The following ITGA11 variants were observed in gnomAD, a reference collection of about 807,000 sequenced individuals.
ITGA11 encodes the protein integrin subunit alpha 11.
In ITGA11, 97 loss-of-function variants were observed where a neutral mutation model predicts 141.9. The ratio of observed to expected loss-of-function variants is 0.68; its 90% CI spans 0.58 to 0.81. ITGA11 has a LOEUF of 0.81. Ranked by LOEUF, ITGA11 falls within the 30% of genes least tolerant of loss-of-function variation. The pLI, the probability that ITGA11 is intolerant of heterozygous loss-of-function variation, is 0.00. For missense variants in ITGA11, 1,387 were observed against 1,559.2 expected (o/e 0.89, Z 1.86); for synonymous variants, 658 against 624.6 (o/e 1.05, Z -0.80).
At chr15:68,341,102 C>T (rs1017630923) in intron 10 of ITGA11, among the ~76,000 whole-genome samples, 10 of 152,204 alleles carry the variant, frequency 6.6e-5, no homozygotes, top group African/African-American at 2.4e-4. Context: ...AAATCCTAAC[C>T]CTCCAGAGGT....
rs1310318533 is a variant in ITGA11, at chr15:68,350,693, G to A, written c.984C>T (p.His328=). The change falls in exon 9 of 30, where the codon CAC becomes CAT. Residue 328 remains histidine (H), a synonymous_variant. Coordinates refer to ENST00000315757, the MANE Select transcript of ITGA11 (RefSeq NM_001004439.2). ...KYIASDPDDK[H]FFNVTDEAAL... is the part of the protein sequence containing the mutation. ...CAGCCTCATCAGTGACATTGAAGAA[G>A]TGCTTGTCATCAGGGTCACTGGCGA... 1 of 1,613,916 alleles carries A rather than the reference G, an allele frequency of 6.2e-7. No homozygotes were observed. The highest frequency in any genetic ancestry group is 8.5e-7 in the Non-Finnish European group (1 of 1,179,834).
At chr15:68,384,946 C>T (rs1048496575) in intron 2 of ITGA11, among the ~76,000 whole-genome samples, 4 of 152,208 alleles carry the variant, frequency 2.6e-5, no homozygotes, top group Non-Finnish European at 4.4e-5. Context: ...TCTGCTCAAA[C>T]AACAAGCCCC....
chr15:68,359,500 G>A (rs950744314), intron 5 of ITGA11, among the ~76,000 whole-genome samples: 1 of 152,054 alleles, frequency 6.6e-6, no homozygotes, highest in Non-Finnish European at 1.5e-5. Context: ...ACAAAAATTA[G>A]CCAGGAGTCG....
At chr15:68,345,131 C>T (rs1474807442) in intron 10 of ITGA11, among the ~76,000 whole-genome samples, 1 of 152,092 alleles carries the variant, frequency 6.6e-6, no homozygotes, top group African/African-American at 2.4e-5. Context: ...CCCAGCTTGA[C>T]AGGTAGTTCA....
chr15:68,328,506 A>C lies in ITGA11; in HGVS notation c.1902-244T>G, dbSNP rs932265071. ...TGGCCCCTCCATGCAGCCCCTCAGC[A>C]CTTTCCCCGAGGGGCTGTGCTCGCT... On this transcript the variant is annotated intron_variant, in intron 15 of 29. Transcript: ENST00000315757. This position sits in a 1 kb window ranked among gnomAD's most constrained non-coding sequence, Gnocchi z 4.8. Among the ~76,000 whole-genome samples, 1 of 152,118 alleles carries C rather than the reference A, an allele frequency of 6.6e-6. No homozygotes were observed. Among genetic ancestry groups the C allele is most frequent in the African/African-American group, 2.4e-5 (1 of 41,432 alleles).
intron 2 of ITGA11, among the ~76,000 whole-genome samples, chr15:68,381,507 A>G (rs1472889791): frequency 1.3e-5 from 2 of 152,102 alleles, no homozygotes; most frequent in Non-Finnish European, 1.5e-5. Flanking sequence ...CGCTACAGGT[A>G]TCCCTGACTT....
At position 68,432,088 on chromosome 15, in the gene ITGA11, G is replaced by A. The variant is rs1281507494; in HGVS notation, c.-22C>T. On this transcript the variant is annotated 5_prime_UTR_variant, in exon 1 of 30. Coordinates refer to ENST00000315757, the MANE Select transcript of ITGA11 (RefSeq NM_001004439.2). ...CCATGGCCCGCGGCACGGCGGCTGG[G>A]TCCGGTGTGCAGCGGCGGCGGGGGG... 2.3e-5 allele frequency: 32 copies of A among 1,366,560 alleles called. No individual in the cohort carries two copies. The highest frequency in any genetic ancestry group is 3.0e-5 in the Non-Finnish European group (32 of 1,062,690). 84.7% of individuals were successfully genotyped at this position (1,366,560 alleles called of 1,614,324 possible).
At chr15:68,405,888 A>C (rs1595894457) in intron 1 of ITGA11, among the ~76,000 whole-genome samples, 1 of 152,282 alleles carries the variant, frequency 6.6e-6, no homozygotes, top group South Asian at 2.1e-4. Flanking sequence ...ACACGCACAC[A>C]GATATACATG....
rs1343222531 is a variant in ITGA11, at chr15:68,302,242, G to A, written c.*817C>T. On this transcript the variant is annotated 3_prime_UTR_variant, in exon 30 of 30. Transcript: ENST00000315757. ...GAAGACGTGGGAATGCACAGCCCCA[G>A]GGATTGTGTCATCCACATGCTTCCC... The A allele has an allele frequency of 6.6e-6, 1 of 152,262 alleles. No individual in the cohort carries two copies. Among genetic ancestry groups the A allele is most frequent in the East Asian group, 1.9e-4 (1 of 5,196 alleles). The allele number at this position is 152,262 out of a possible 1,614,324, so 9.4% of individuals were successfully genotyped here.
chr15:68,342,419 T>G (rs58012457), intron 10 of ITGA11, among the ~76,000 whole-genome samples: 20,653 of 152,230 alleles, frequency 0.14, 3,181 homozygotes, highest in African/African-American at 0.38. Flanking sequence ...ACATGAGGTC[T>G]CAGGCTTGGC....
chr15:68,336,022 G>A, intron 11 of ITGA11, 177 bp from the exon 12 acceptor site: 1 of 717,674 alleles, frequency 1.4e-6, no homozygotes, highest in Non-Finnish European at 2.3e-6. Flanking sequence ...GGGAGGCCTG[G>A]AAGAGGCAGG....
intron 4 of ITGA11, among the ~76,000 whole-genome samples, chr15:68,363,505 T>A (rs1895317843): frequency 1.3e-5 from 2 of 152,136 alleles, no homozygotes; most frequent in South Asian, 4.1e-4. Flanking sequence ...TGCACTCAAG[T>A]CCCCTTGCAT....
intron 5 of ITGA11, among the ~76,000 whole-genome samples, chr15:68,361,062 G>A (rs937155337): frequency 3.3e-5 from 5 of 152,192 alleles, no homozygotes; most frequent in East Asian, 1.9e-4. Flanking sequence ...GGTGGGCAAT[G>A]AGCAAGAGGT....
chr15:68,356,223 G>A (rs1419055014), intron 7 of ITGA11, among the ~76,000 whole-genome samples: 4 of 151,924 alleles, frequency 2.6e-5, no homozygotes, highest in East Asian at 1.9e-4. Context: ...AGCCTCCCAA[G>A]TAGCTGGGAC....
At chr15:68,421,216 GC>G (rs1301375633) in intron 1 of ITGA11, among the ~76,000 whole-genome samples, 6 of 8,970 alleles carry the variant, frequency 6.7e-4, no homozygotes, top group East Asian at 2.6e-3. Flanking sequence ...GCTGGATACA[GC>G]AGCCTGCAGG....
At chr15:68,380,977 T>A (rs1220598260) in intron 2 of ITGA11, among the ~76,000 whole-genome samples, 2 of 152,230 alleles carry the variant, frequency 1.3e-5, no homozygotes, top group East Asian at 3.8e-4. Flanking sequence ...AGGTTGCCCC[T>A]ACCTGCTTTC....
intron 1 of ITGA11, 50 bp from the exon 2 acceptor site, chr15:68,403,079 G>C (rs1896550735): frequency 1.6e-6 from 2 of 1,268,028 alleles, no homozygotes; most frequent in Non-Finnish European, 2.3e-6. Context: ...GACAGGCAGA[G>C]GTGTAGGCCC....
chr15:68,413,834 G>A (rs560176396), intron 1 of ITGA11, among the ~76,000 whole-genome samples: 18 of 152,278 alleles, frequency 1.2e-4, no homozygotes, highest in South Asian at 1.0e-3. Context: ...AATGTTGGCC[G>A]GAGCCATGCG....
At chr15:68,361,761 T>C in intron 4 of ITGA11, 57 bp from the exon 5 acceptor site, 1 of 1,237,460 alleles carries the variant, frequency 8.1e-7, no homozygotes, top group Non-Finnish European at 1.2e-6. Flanking sequence ...AGGATCGAGG[T>C]CCAATGGCCT....
Sources: allele counts gnomAD v4.1 joint callset (sites outside exome capture counted in the v4.1 genomes callset), GRCh38; gene constraint gnomAD v4.1.1; non-coding constraint Gnocchi (gnomAD v3.1); transcripts MANE v1.5; gene names NCBI Gene and HGNC (gene_info 2026-07-23, HGNC 2026-07-21).